The following GSE1 variants were observed in gnomAD, a reference collection of about 807,000 sequenced individuals.
GSE1 encodes the protein Gse1 coiled-coil protein, also known as genetic suppressor element 1.
Under a neutral mutation model 112.6 loss-of-function variants are expected in GSE1, and 32 were observed. The observed-to-expected ratio is 0.28, with a 90% CI of 0.21 to 0.38. The LOEUF (loss-of-function observed/expected upper bound fraction) is 0.38. Among genes scored for constraint, GSE1 ranks in the 10% least tolerant of loss-of-function variants. The pLI is 1.00. For missense variants in GSE1, 2,348 were observed against 1,699.2 expected (o/e 1.38, Z -6.71); for synonymous variants, 1,115 against 735.6 (o/e 1.52, Z -8.35).
chr16:85,278,135 T>A (rs1476646902), intron 1 of GSE1, among the ~76,000 whole-genome samples: 1 of 152,252 alleles, frequency 6.6e-6, no homozygotes. Flanking sequence ...GAGGGGTCCA[T>A]GTCCCTGGCT....
intron 1 of GSE1, among the ~76,000 whole-genome samples, chr16:85,229,119 C>T (rs1016851375): frequency 6.6e-6 from 1 of 152,220 alleles, no homozygotes; most frequent in African/African-American, 2.4e-5. Context: ...GTGGCGGCAT[C>T]GTGGGAGCAG....
At chr16:85,198,256 G>A (rs1318928440) in intron 1 of GSE1, among the ~76,000 whole-genome samples, 1 of 152,232 alleles carries the variant, frequency 6.6e-6, no homozygotes. Flanking sequence ...AAAGACCGAA[G>A]TCATGTGTTC....
At chr16:85,436,907 G>A (rs1018794086) in intron 2 of GSE1, among the ~76,000 whole-genome samples, 20 of 152,248 alleles carry the variant, frequency 1.3e-4, no homozygotes, top group Admixed American at 4.6e-4. Flanking sequence ...GCGGGCTGGA[G>A]GCAACCTTGA....
Position 85,672,495 on chromosome 16 carries a change from G to T in GSE1, c.3610G>T (p.Ala1204Ser). The T allele has an allele frequency of 6.2e-7, 1 of 1,612,966 alleles. No individual in the cohort carries two copies. Among genetic ancestry groups the T allele is most frequent in the Non-Finnish European group, 8.5e-7 (1 of 1,179,064 alleles). The change falls in exon 16 of 16, where the codon GCA becomes TCA. Residue 1204 changes from alanine (A) to serine (S), a missense_variant. Physicochemically the swap from Ala to Ser is moderately conservative, Grantham distance 99. Transcript: ENST00000253458. Reference protein sequence around the residue: ...DHLRKCLALPAMHWPRGYLKG... With the variant: ...DHLRKCLALPSMHWPRGYLKG... ...CTTACGAAAGTGCCTTGCCTTGCCT[G>T]CAATGCACTGGCCTAGGGGCTACCT...
intron 1 of GSE1, among the ~76,000 whole-genome samples, chr16:85,614,098 C>T (rs1598386143): frequency 1.3e-5 from 2 of 151,392 alleles, no homozygotes; most frequent in East Asian, 1.9e-4. Flanking sequence ...CCCTCCCCCC[C>T]GCAGAAGATG....
chr16:85,231,135 T>G (rs1007503114), intron 1 of GSE1, among the ~76,000 whole-genome samples: 1 of 140,086 alleles, frequency 7.1e-6, no homozygotes, highest in Non-Finnish European at 1.6e-5. Flanking sequence ...GATGGAAGGA[T>G]GGATGGATGG....
chr16:85,215,160 G>A (rs1294381770), intron 1 of GSE1, among the ~76,000 whole-genome samples: 1 of 152,214 alleles, frequency 6.6e-6, no homozygotes, highest in Non-Finnish European at 1.5e-5. Context: ...ATTCTATTCT[G>A]TGGAGTCAGA....
Position 85,674,442 on chromosome 16 carries a change from C to A in GSE1, c.*1903C>A, listed in dbSNP as rs1421874943. On this transcript the variant is annotated 3_prime_UTR_variant, in exon 16 of 16. Transcript: ENST00000253458. Reference sequence around the variant, plus strand: ...GCTGCAGGCCTCCCCTCGAAAGACACTGGGAGGTCAGCATGTTCCACAGGT... The same window carrying A: ...GCTGCAGGCCTCCCCTCGAAAGACAATGGGAGGTCAGCATGTTCCACAGGT... 2 of 149,804 alleles carry A rather than the reference C, an allele frequency of 1.3e-5. No individual in the cohort carries two copies. Among genetic ancestry groups the A allele is most frequent in the Non-Finnish European group, 2.9e-5 (2 of 68,034 alleles). 9.3% of individuals were successfully genotyped at this position (149,804 alleles called of 1,614,324 possible). A position where few individuals can be genotyped will look rare whatever the true frequency, so the allele number is the denominator to read the frequency against.
In GSE1 at chr16:85,512,315, A is replaced by T. The variant is rs140458693; in HGVS notation, c.2465-121599A>T. Among the ~76,000 whole-genome samples the T allele has an allele frequency of 1.4e-4, 22 of 152,286 alleles. No homozygotes were observed. The East Asian group carries it at 3.3e-3, about 23-fold the overall frequency. ...CTGTGAAGCAGTTAGAGTAGGTAGC[A>T]GGACCAGCCAGGCACCCAGGACAGC... On this transcript the variant is annotated intron_variant, in intron 2 of 2. Transcript: ENST00000637419.
intron 2 of GSE1, among the ~76,000 whole-genome samples, chr16:85,360,627 C>T (rs1225035482): frequency 2.6e-5 from 4 of 151,848 alleles, no homozygotes; most frequent in South Asian, 2.1e-4. Context: ...AGCTGGGCGG[C>T]GGGGCGGGTG....
chr16:85,474,403 G>A (rs892212603), intron 2 of GSE1, among the ~76,000 whole-genome samples: 1 of 152,158 alleles, frequency 6.6e-6, no homozygotes, highest in Non-Finnish European at 1.5e-5. Context: ...GAGAACAGCT[G>A]GAGGTGCACG....
At chr16:85,231,263 A>C (rs951875116) in intron 1 of GSE1, among the ~76,000 whole-genome samples, 2 of 151,576 alleles carry the variant, frequency 1.3e-5, no homozygotes, top group Non-Finnish European at 2.9e-5. Context: ...GGATGGATGG[A>C]TGGACAGATG....
At chr16:85,478,879 CTT>C (rs753073110) in intron 2 of GSE1, among the ~76,000 whole-genome samples, 2 of 58,466 alleles carry the variant, frequency 3.4e-5, no homozygotes, top group South Asian at 5.3e-4. Flanking sequence ...TTCTTTCTTT[CTT>C]TCTTTCTTTC....
intron 1 of GSE1, among the ~76,000 whole-genome samples, chr16:85,276,306 G>A (rs981487209): frequency 3.3e-5 from 5 of 150,460 alleles, no homozygotes; most frequent in Non-Finnish European, 5.9e-5. Context: ...GGGTACTGCT[G>A]CAGAAGGGGA....
chr16:85,512,569 C>T (rs781578576), intron 2 of GSE1, among the ~76,000 whole-genome samples: 79 of 152,290 alleles, frequency 5.2e-4, no homozygotes, highest in Non-Finnish European at 9.7e-4. Context: ...TGTTTTCTTC[C>T]CTCTCTTCTG....
intron 1 of GSE1, among the ~76,000 whole-genome samples, chr16:85,281,607 G>T (rs1466158059): frequency 6.6e-6 from 1 of 152,118 alleles, no homozygotes; most frequent in African/African-American, 2.4e-5. Context: ...CTCTAAAAAC[G>T]ATATGCAATG....
upstream of GSE1, chr16:85,555,551 C>T (rs2045160738): frequency 3.1e-6 from 3 of 973,634 alleles, no homozygotes; most frequent in African/African-American, 3.5e-5. Context: ...TAATTTTCTC[C>T]TCTCCCCTCT....
intron 1 of GSE1, among the ~76,000 whole-genome samples, chr16:85,266,984 C>T (rs1247754653): frequency 1.3e-5 from 2 of 152,220 alleles, no homozygotes; most frequent in African/African-American, 2.4e-5. Context: ...GATGGCTCTG[C>T]TCTCAGCCAC....
rs1045078759 is a variant in GSE1, at chr16:85,287,613, G to A, written c.2284-69850G>A. Reference sequence around the variant, plus strand: ...CTGATTTCCACACGGCTCCTCCCTCGCTTCCTTCGGCCTTTCCATATTGGT... The same window carrying A: ...CTGATTTCCACACGGCTCCTCCCTCACTTCCTTCGGCCTTTCCATATTGGT... On this transcript the variant is annotated intron_variant, in intron 1 of 2. Coordinates refer to the GSE1 transcript ENST00000637419. 4.6e-5 allele frequency among the ~76,000 whole-genome samples: 7 copies of A among 151,972 alleles called. No individual in the cohort carries two copies. In the South Asian group the frequency reaches 1.0e-3, roughly 23 times the overall value.
Sources: allele counts gnomAD v4.1 joint callset (sites outside exome capture counted in the v4.1 genomes callset), GRCh38; gene constraint gnomAD v4.1.1; transcripts MANE v1.5; gene names NCBI Gene and HGNC (gene_info 2026-07-23, HGNC 2026-07-21).